The following SLC10A7 variants were observed in gnomAD, a reference collection of about 807,000 sequenced individuals.
SLC10A7 encodes solute carrier family 10 member 7, also known as sodium/bile acid cotransporter 7.
In SLC10A7, 29 loss-of-function variants were observed where a neutral mutation model predicts 43.2. The ratio of observed to expected loss-of-function variants is 0.67; its 90% CI spans 0.50 to 0.92. SLC10A7 has a LOEUF of 0.92. Among genes scored for constraint, SLC10A7 ranks in the 40% least tolerant of loss-of-function variants. The pLI is 0.00. For synonymous variants in SLC10A7, 152 were observed against 144.8 expected, an observed-to-expected ratio of 1.05 and a Z score of -0.35; for missense variants, 295 against 403.2, an observed-to-expected ratio of 0.73 and a Z score of 2.30.
rs938406737 is a variant in SLC10A7 at position 146,521,807 on chromosome 4, T to C, written c.-90A>G. ...CTAATCCTTGGAGCGTCTCCACACT[T>C]TCCTTGGTCCCTCCAGACATGCAGC... is the stretch of plus-strand genomic sequence containing the variant. On this transcript the variant is annotated 5_prime_UTR_variant, in exon 1 of 12. Transcript: ENST00000335472. 9.5e-7 allele frequency: 1 copy of C among 1,051,732 alleles called. No individual in the cohort carries two copies. Among genetic ancestry groups the C allele is most frequent in the African/African-American group, 1.6e-5 (1 of 63,180 alleles). 65.1% of individuals were successfully genotyped at this position (1,051,732 alleles called of 1,614,324 possible). A position where few individuals can be genotyped will look rare whatever the true frequency, so the allele number is the denominator to read the frequency against.
At chr4:146,374,164 T>C (rs952821103) in intron 5 of SLC10A7, among the ~76,000 whole-genome samples, 9 of 152,190 alleles carry the variant, frequency 5.9e-5, no homozygotes, top group African/African-American at 2.2e-4. Context: ...TTGAACTCTA[T>C]ACAAAATGGA....
At chr4:146,365,601 A>T (rs2035706316) in intron 5 of SLC10A7, among the ~76,000 whole-genome samples, 6 of 152,210 alleles carry the variant, frequency 3.9e-5, no homozygotes, top group Admixed American at 3.9e-4. Context: ...AAAGAAAGGG[A>T]TTGATGTTTA....
At chr4:146,330,502 T>C (rs1733455700) in intron 5 of SLC10A7, among the ~76,000 whole-genome samples, 1 of 152,168 alleles carries the variant, frequency 6.6e-6, no homozygotes, top group Non-Finnish European at 1.5e-5. Flanking sequence ...TCATCTAAAG[T>C]GCGAACCCCT....
At chr4:146,412,200 T>C (rs1332551919) in intron 5 of SLC10A7, among the ~76,000 whole-genome samples, 2 of 152,120 alleles carry the variant, frequency 1.3e-5, no homozygotes, top group Non-Finnish European at 2.9e-5. Flanking sequence ...GCCTAAAAGA[T>C]ATGGGGAGTA....
chr4:146,408,039 C>G (rs931700250), intron 5 of SLC10A7, among the ~76,000 whole-genome samples: 1 of 152,196 alleles, frequency 6.6e-6, no homozygotes, highest in Non-Finnish European at 1.5e-5. Context: ...CCTCTCCTTA[C>G]AGCTAGCAGT....
At chr4:146,389,418 C>A (rs769664503) in intron 5 of SLC10A7, among the ~76,000 whole-genome samples, 43 of 152,134 alleles carry the variant, frequency 2.8e-4, no homozygotes, top group Non-Finnish European at 1.5e-4. Flanking sequence ...TGGAAGAAAG[C>A]TTTCATCAGA....
intron 10 of SLC10A7, among the ~76,000 whole-genome samples, chr4:146,282,774 A>G (rs1729631386): frequency 6.6e-6 from 1 of 152,174 alleles, no homozygotes; most frequent in African/African-American, 2.4e-5. Flanking sequence ...AAATTAGAGT[A>G]ATAACATTAT....
chr4:146,517,576 AT>A (rs1427024528), intron 1 of SLC10A7, among the ~76,000 whole-genome samples: 6 of 152,166 alleles, frequency 3.9e-5, no homozygotes, highest in African/African-American at 7.2e-5. Flanking sequence ...AGAGGTAAGC[AT>A]TTGTGTGATG....
intron 5 of SLC10A7, among the ~76,000 whole-genome samples, chr4:146,395,806 T>C (rs2149810085): frequency 6.6e-6 from 1 of 152,292 alleles, no homozygotes; most frequent in South Asian, 2.1e-4. Context: ...ATATATTTTC[T>C]ATCCCCCAAG....
rs13138596 is a variant in SLC10A7, at chr4:146,409,198, A to T, written c.435+33585T>A. 5.3e-5 allele frequency among the ~76,000 whole-genome samples: 8 copies of T among 151,858 alleles called. No individual in the cohort carries two copies. The East Asian group carries it at 1.6e-3, about 29-fold the overall frequency. ...GCTATCTATAAACATAGAAGTCAAA[A>T]ACATCAACCAGTGTTTCTCAGTAAA... On this transcript the variant is annotated intron_variant, in intron 5 of 11. Transcript: ENST00000335472.
intron 5 of SLC10A7, among the ~76,000 whole-genome samples, chr4:146,416,943 T>C (rs191193555): frequency 6.6e-6 from 1 of 152,292 alleles, no homozygotes; most frequent in East Asian, 1.9e-4. Flanking sequence ...TGCTCAAATG[T>C]TCTTTTATAA....
At chr4:146,399,669 C>T (rs886582577) in intron 5 of SLC10A7, among the ~76,000 whole-genome samples, 10 of 152,018 alleles carry the variant, frequency 6.6e-5, no homozygotes, top group Admixed American at 2.6e-4. Context: ...AAATCAGATA[C>T]GGGGAGGGGA....
At chr4:146,437,727 T>C (rs984364253) in intron 5 of SLC10A7, among the ~76,000 whole-genome samples, 16 of 152,066 alleles carry the variant, frequency 1.1e-4, no homozygotes, top group Admixed American at 2.0e-4. Flanking sequence ...TTGAATCTTA[T>C]CTAGTACCAC....
At chr4:146,354,119 G>A (rs1735367528) in intron 5 of SLC10A7, among the ~76,000 whole-genome samples, 1 of 148,184 alleles carries the variant, frequency 6.7e-6, no homozygotes, top group African/African-American at 2.5e-5. Context: ...CAGACGACAT[G>A]ATTGTTTATT....
chr4:146,451,250 A>C (rs13112705), intron 4 of SLC10A7, among the ~76,000 whole-genome samples: 4 of 148,422 alleles, frequency 2.7e-5, no homozygotes, highest in Admixed American at 6.7e-5. Flanking sequence ...AAAAAAAAAA[A>C]CAAAAAAAAA....
intron 10 of SLC10A7, among the ~76,000 whole-genome samples, chr4:146,266,140 T>C (rs1304384147): frequency 6.6e-6 from 1 of 152,240 alleles, no homozygotes; most frequent in Non-Finnish European, 1.5e-5. Flanking sequence ...TCTTCAGTTG[T>C]CATGGTGATT....
At chr4:146,440,383 C>T (rs1305694168) in intron 5 of SLC10A7, among the ~76,000 whole-genome samples, 1 of 151,810 alleles carries the variant, frequency 6.6e-6, no homozygotes, top group East Asian at 1.9e-4. Flanking sequence ...GCTATCCAGA[C>T]GTTCTGGCTG....
intron 7 of SLC10A7, among the ~76,000 whole-genome samples, chr4:146,301,064 C>T (rs1731129822): frequency 6.6e-6 from 1 of 152,126 alleles, no homozygotes; most frequent in African/African-American, 2.4e-5. Flanking sequence ...TGCATATGTA[C>T]TGAGAGTTAC....
intron 10 of SLC10A7, among the ~76,000 whole-genome samples, chr4:146,275,807 A>G (rs978136462): frequency 3.3e-5 from 5 of 151,508 alleles, no homozygotes; most frequent in African/African-American, 1.2e-4. Context: ...AACTCAACAT[A>G]CACTAGTAGT....
Sources: allele counts gnomAD v4.1 joint callset (sites outside exome capture counted in the v4.1 genomes callset), GRCh38; gene constraint gnomAD v4.1.1; transcripts MANE v1.5; gene names NCBI Gene and HGNC (gene_info 2026-07-23, HGNC 2026-07-21).